Variants in GALNT14 observed in about 807,000 individuals in gnomAD.
GALNT14 encodes polypeptide N-acetylgalactosaminyltransferase 14.
Under a neutral mutation model 77.5 loss-of-function variants are expected in GALNT14, and 60 were observed. That is an observed-to-expected ratio of 0.77 (90% CI 0.63 to 0.96). The LOEUF is 0.96. GALNT14 is among the 40% of genes least tolerant of loss of function. GALNT14 has a pLI of 0.00. For missense variants in GALNT14, 710 were observed against 731.0 expected, an observed-to-expected ratio of 0.97 and a Z score of 0.33; for synonymous variants, 280 against 281.7, an observed-to-expected ratio of 0.99 and a Z score of 0.06.
downstream of GALNT14, among the ~76,000 whole-genome samples, chr2:30,908,966 T>G (rs1159156876): frequency 6.6e-6 from 1 of 151,842 alleles, no homozygotes; most frequent in South Asian, 2.1e-4. Context: ...GGAAAGGATT[T>G]GCTATTTAAT....
rs1664316836 is a variant in GALNT14, at chr2:30,910,911, A to T, written c.1649T>A (p.Val550Glu). 1 of 1,612,924 alleles carries T rather than the reference A, an allele frequency of 6.2e-7. No individual in the cohort carries two copies. Among genetic ancestry groups the T allele is most frequent in the African/African-American group, 1.3e-5 (1 of 74,532 alleles). The change falls in exon 15 of 15, where the codon GTG (valine) becomes GAG (glutamate). Residue 550 changes from valine (V) to glutamate (E), a missense_variant. By Grantham distance (121) the Val-to-Glu change is moderately radical. Transcript: ENST00000349752. ...SSLMSQHWDM[V>E]SS ...TTCTGGCAGGGGTCCTCAAGAGCTC[A>T]CCATGTCCCAGTGCTGGCTCATGAG... is the stretch of plus-strand genomic sequence containing the variant.
At chr2:30,982,671 G>C (rs1287169547) in intron 2 of GALNT14, among the ~76,000 whole-genome samples, 1 of 152,142 alleles carries the variant, frequency 6.6e-6, no homozygotes, top group Non-Finnish European at 1.5e-5. Context: ...CGGGCATAAG[G>C]GTGGCTTCTG....
In GALNT14 at chr2:31,090,480, T is replaced by TC. The variant is rs1359369747; in HGVS notation, c.129+47477dup. 1.8e-4 allele frequency among the ~76,000 whole-genome samples: 23 copies of TC among 127,636 alleles called. No individual in the cohort carries two copies. The East Asian group carries it at 4.6e-3, about 26-fold the overall frequency. 83.7% of individuals were successfully genotyped at this position (127,636 alleles called of 152,430 possible). On this transcript the variant is annotated intron_variant, in intron 1 of 14. Coordinates refer to ENST00000349752, the MANE Select transcript of GALNT14 (RefSeq NM_024572.4). ...TGCACTGCCTAAGGCAGTCCCTTCA[T>TC]CTTTTTTTTTTTTTTTTTTTTTTTT...
rs535938415 is a variant in GALNT14 at position 31,029,642 on chromosome 2, C to T, written c.130-36635G>A. On this transcript the variant is annotated intron_variant, in intron 1 of 14. Coordinates refer to ENST00000349752, the MANE Select transcript of GALNT14 (RefSeq NM_024572.4). ...CTCTTTCCCCTTCCCCGGTCTAGGA[C>T]ATGGATGTGATGCTGATGGCCAGTC... Among the ~76,000 whole-genome samples the T allele has an allele frequency of 3.3e-5, 5 of 152,272 alleles. No homozygotes were observed. In the South Asian group the frequency reaches 8.3e-4, roughly 25 times the overall value.
At chr2:30,932,298 C>T (rs1263662085) in intron 9 of GALNT14, 104 bp from the exon 10 acceptor site, 1 of 1,107,740 alleles carries the variant, frequency 9.0e-7, no homozygotes. Flanking sequence ...GGCGAAAGAA[C>T]AGACTCTGCA....
chr2:30,962,267 T>A (rs920682796), intron 3 of GALNT14, among the ~76,000 whole-genome samples: 76 of 152,190 alleles, frequency 5.0e-4, no homozygotes, highest in African/African-American at 1.6e-3. Context: ...AAAAGGAAAC[T>A]GAGGCAGAAA....
In GALNT14 at chr2:31,057,370, GTGTGTA is replaced by G. The variant is rs1298333685; in HGVS notation, c.130-64369_130-64364del. 4.9e-3 allele frequency among the ~76,000 whole-genome samples: 594 copies of G among 120,194 alleles called. 4 individuals carry two copies. The highest frequency in any genetic ancestry group is 0.023 in the Middle Eastern group (6 of 258). The allele number at this position is 120,194 out of a possible 152,430, so 78.9% of individuals were successfully genotyped here. On this transcript the variant is annotated intron_variant, in intron 1 of 14. Coordinates refer to ENST00000349752, the MANE Select transcript of GALNT14 (RefSeq NM_024572.4). ...TATATGTGTGTGTGTGTGTGTGTGT[GTGTGTA>G]TATATATATATATATATACACAGCT...
intron 1 of GALNT14, among the ~76,000 whole-genome samples, chr2:31,130,784 G>GTGTGTGCGCGCA (rs57066682): frequency 8.0e-6 from 1 of 125,040 alleles, no homozygotes; most frequent in African/African-American, 4.1e-5. Flanking sequence ...GTGTGTGTGT[G>GTGTGTGCGCGCA]CGCGCGCACC....
At chr2:31,093,780 C>T (rs554117021) in intron 1 of GALNT14, among the ~76,000 whole-genome samples, 1 of 152,352 alleles carries the variant, frequency 6.6e-6, no homozygotes, top group South Asian at 2.1e-4. Context: ...GGACTGAAAG[C>T]ACTTTTGCAG....
At chr2:30,890,447 T>C in the GALNT14 span, among the ~76,000 whole-genome samples, 3 of 152,224 alleles carry the variant, frequency 2.0e-5, no homozygotes, top group African/African-American at 7.2e-5. Context: ...CATGTCTCCC[T>C]TGTAGGGTTG....
chr2:31,017,736 G>A (rs544977602), intron 1 of GALNT14, among the ~76,000 whole-genome samples: 137 of 152,248 alleles, frequency 9.0e-4, no homozygotes, highest in African/African-American at 3.2e-3. Flanking sequence ...TGCCAGCACC[G>A]CTGCACAGGG....
intron 9 of GALNT14, among the ~76,000 whole-genome samples, chr2:30,941,944 G>A (rs1042383922): frequency 6.6e-5 from 10 of 152,266 alleles, no homozygotes; most frequent in South Asian, 2.1e-4. Context: ...CTGTCAGAGC[G>A]TGTTTCCCTG....
chr2:31,126,011 A>G (rs1678683859), intron 1 of GALNT14, among the ~76,000 whole-genome samples: 1 of 152,234 alleles, frequency 6.6e-6, no homozygotes, highest in Non-Finnish European at 1.5e-5. Context: ...CCTTTTTTAA[A>G]GTTTAACCCT....
intron 1 of GALNT14, among the ~76,000 whole-genome samples, chr2:31,127,625 C>CAT: frequency 6.6e-6 from 1 of 152,318 alleles, no homozygotes; most frequent in East Asian, 1.9e-4. Flanking sequence ...CCCTAAAATA[C>CAT]ATAGCATTTC....
intron 3 of GALNT14, among the ~76,000 whole-genome samples, chr2:30,963,062 T>A (rs907724528): frequency 1.3e-5 from 2 of 152,170 alleles, no homozygotes; most frequent in Admixed American, 6.5e-5. Flanking sequence ...CATTTTGCTG[T>A]TTGTGTGTGT....
chr2:31,138,234 A>C lies in GALNT14; in HGVS notation c.-148T>G. ...GGTTGGAGGGGCGGCAGGATCCTGC[A>C]AGGCGCCCTTCCCGCTTCGAAGAGA... On this transcript the variant is annotated 5_prime_UTR_variant, in exon 1 of 15. Transcript: ENST00000349752. The C allele has an allele frequency of 1.0e-6, 1 of 961,836 alleles. No individual in the cohort carries two copies. Among genetic ancestry groups the C allele is most frequent in the Non-Finnish European group, 1.5e-6 (1 of 652,824 alleles). 59.6% of individuals were successfully genotyped at this position (961,836 alleles called of 1,614,324 possible). A position where few individuals can be genotyped will look rare whatever the true frequency, so the allele number is the denominator to read the frequency against.
intron 1 of GALNT14, among the ~76,000 whole-genome samples, chr2:31,085,999 C>T (rs548676183): frequency 1.2e-4 from 18 of 152,314 alleles, no homozygotes; most frequent in Admixed American, 6.5e-4. Context: ...GAGACTTACT[C>T]GCTATCACAA....
At chr2:31,123,372 T>C (rs1014957211) in intron 1 of GALNT14, among the ~76,000 whole-genome samples, 1 of 152,108 alleles carries the variant, frequency 6.6e-6, no homozygotes, top group Non-Finnish European at 1.5e-5. Context: ...AGTTGATCCA[T>C]AGGCTACCTG....
At chr2:30,927,121 C>A (rs148611571) in intron 11 of GALNT14, among the ~76,000 whole-genome samples, 1 of 152,134 alleles carries the variant, frequency 6.6e-6, no homozygotes, top group East Asian at 1.9e-4. Context: ...GCAAAGCCCC[C>A]TAAGGAGTGT....
Sources: gnomAD v4.1 joint callset for allele counts (sites outside exome capture counted in the v4.1 genomes callset) on GRCh38, gnomAD v4.1.1 for gene constraint, MANE v1.5 for transcripts, NCBI Gene and HGNC (gene_info 2026-07-23, HGNC 2026-07-21) for gene names.